ZBTB49: variants seen among roughly 807,000 people sequenced by gnomAD.
ZBTB49 encodes the protein zinc finger and BTB domain-containing protein 49.
In ZBTB49, 43 loss-of-function variants were observed where a neutral mutation model predicts 57.5. The observed-to-expected ratio is 0.75, with a 90% CI of 0.59 to 0.97. ZBTB49 has a LOEUF of 0.97. Ranked by LOEUF, ZBTB49 falls within the 50% of genes least tolerant of loss-of-function variation. ZBTB49 has a pLI of 0.00. For missense variants in ZBTB49, 938 were observed against 947.7 expected (o/e 0.99, Z 0.13); for synonymous variants, 369 against 362.1 (o/e 1.02, Z -0.22).
chr4:4,312,045 A>G (rs1009617192), intron 4 of ZBTB49, among the ~76,000 whole-genome samples: 2 of 152,162 alleles, frequency 1.3e-5, no homozygotes, highest in African/African-American at 4.8e-5. Flanking sequence ...CAATTTGCAA[A>G]TTAAAAAAAG....
chr4:4,303,726 T>TTCTCTCTCTCTCTC (rs148456390), intron 3 of ZBTB49, among the ~76,000 whole-genome samples: 18 of 121,802 alleles, frequency 1.5e-4, no homozygotes, highest in African/African-American at 5.6e-4. Context: ...TTTTAAGGTA[T>TTCTCTCTCTCTCTC]TCTCTCTCTC....
In ZBTB49 at chr4:4,320,695, G is replaced by T; in HGVS notation, c.1677G>T (p.Gly559=). 1 of 1,614,210 alleles carries T rather than the reference G, an allele frequency of 6.2e-7. No homozygotes were observed. The highest frequency in any genetic ancestry group is 8.5e-7 in the Non-Finnish European group (1 of 1,180,042). Residue 559 remains glycine, a synonymous_variant, in exon 8 of 8, where the codon GGG becomes GGT. Transcript: ENST00000337872. Reference sequence around the variant, plus strand: ...GCAGGCATGTCCGCACTCACACTGGGGAGAAGCCGTACACATGTGAGATCT... The same window carrying T: ...GCAGGCATGTCCGCACTCACACTGGTGAGAAGCCGTACACATGTGAGATCT... ...DLRRHVRTHT[G]EKPYTCEICN...
At chr4:4,304,140 G>A (rs17701611) in intron 3 of ZBTB49, among the ~76,000 whole-genome samples, 76,481 of 151,770 alleles carry the variant, frequency 0.5, 19,526 homozygotes, top group Middle Eastern at 0.61. Flanking sequence ...CCACGTGAAG[G>A]CAATATCACA....
In ZBTB49 at chr4:4,313,078, G is replaced by A; in HGVS notation, c.1340G>A (p.Gly447Asp). Residue 447 changes from glycine to aspartate, a missense_variant, in exon 5 of 8, where the codon GGT becomes GAT. Physicochemically the swap from Gly to Asp is moderately conservative, Grantham distance 94. Transcript: ENST00000337872. ...NLQTHLRRHS[G>D]EKPYICEICG... ...CAGACTCACTTACGACGGCATTCTG[G>A]TGAAAAACCATACATCTGCGAGATC... 3.1e-6 allele frequency: 5 copies of A among 1,614,148 alleles called. No individual in the cohort carries two copies. Among genetic ancestry groups the A allele is most frequent in the Non-Finnish European group, 4.2e-6 (5 of 1,180,032 alleles).
At chr4:4,320,323 C>T (rs566133361) in intron 7 of ZBTB49, among the ~76,000 whole-genome samples, 5 of 152,304 alleles carry the variant, frequency 3.3e-5, no homozygotes, top group African/African-American at 9.6e-5. Flanking sequence ...AATGGAAAGC[C>T]TTCCAGAGTG....
chr4:4,320,529 A>G, intron 7 of ZBTB49, 111 bp from the exon 8 acceptor site: 3 of 1,368,088 alleles, frequency 2.2e-6, no homozygotes, highest in South Asian at 1.3e-5. Context: ...CGTCCCAGCT[A>G]CTTGAGAGGC....
intron 1 of ZBTB49, among the ~76,000 whole-genome samples, chr4:4,296,421 C>T (rs1046708550): frequency 9.2e-5 from 14 of 152,300 alleles, no homozygotes; most frequent in African/African-American, 3.4e-4. Flanking sequence ...CTTTCCCACG[C>T]TGTTCTCATG....
At chr4:4,305,994 A>C in intron 3 of ZBTB49, 144 bp from the exon 4 acceptor site, 2 of 613,798 alleles carry the variant, frequency 3.3e-6, no homozygotes, top group Non-Finnish European at 2.9e-6. Context: ...GAGAAATATA[A>C]GGAAGTAGAC....
intron 1 of ZBTB49, among the ~76,000 whole-genome samples, chr4:4,295,012 A>T (rs188434193): frequency 1.3e-5 from 2 of 151,862 alleles, no homozygotes; most frequent in Non-Finnish European, 2.9e-5. Context: ...GGCACATAAT[A>T]GTTGTATGAT....
Position 4,302,536 on chromosome 4 carries a change from G to C in ZBTB49, c.700G>C (p.Glu234Gln), listed in dbSNP as rs140280813. 5.6e-6 allele frequency: 9 copies of C among 1,613,880 alleles called. No individual in the cohort carries two copies. In the African/African-American group the frequency reaches 1.2e-4, roughly 22 times the overall value. ...YHKHAAGPSQ[E>Q]RVVEQPFAFS... ...TAAACACGCAGCTGGTCCCAGTCAG[G>C]AGAGAGTTGTTGAGCAGCCTTTTGC... Residue 234 changes from glutamate (E) to glutamine (Q), a missense_variant, in exon 3 of 8, where the codon GAG becomes CAG. Glu to Gln is a conservative substitution (Grantham distance 29). Around this residue, in one of 3 missense-constraint regions of ZBTB49, gnomAD observed 835 missense variants for 819.1 expected, o/e 1.02. Coordinates refer to ENST00000337872, the MANE Select transcript of ZBTB49 (RefSeq NM_145291.4).
intron 2 of ZBTB49, among the ~76,000 whole-genome samples, chr4:4,300,443 C>A (rs1490754208): frequency 2.6e-5 from 4 of 152,048 alleles, no homozygotes; most frequent in Non-Finnish European, 5.9e-5. Flanking sequence ...GAATTAAGTT[C>A]CCGGTCAGAA....
chr4:4,300,720 G>A (rs1720437000), intron 2 of ZBTB49, among the ~76,000 whole-genome samples: 1 of 151,708 alleles, frequency 6.6e-6, no homozygotes, highest in Non-Finnish European at 1.5e-5. Context: ...GTTGGAGGCT[G>A]CAGTGAGCCG....
At chr4:4,316,814 C>T (rs1321180803) in intron 7 of ZBTB49, among the ~76,000 whole-genome samples, 1 of 152,178 alleles carries the variant, frequency 6.6e-6, no homozygotes, top group African/African-American at 2.4e-5. Context: ...CTTCTGGATA[C>T]AGATTTAGGC....
At chr4:4,294,721 G>A (rs76231994) in intron 1 of ZBTB49, among the ~76,000 whole-genome samples, 10,439 of 152,040 alleles carry the variant, frequency 0.069, 916 homozygotes, top group East Asian at 0.32. Flanking sequence ...AACTCTGGGG[G>A]TCATTCCAAA....
At chr4:4,304,885 G>T (rs951793161) in intron 3 of ZBTB49, among the ~76,000 whole-genome samples, 12 of 152,040 alleles carry the variant, frequency 7.9e-5, no homozygotes, top group Non-Finnish European at 1.3e-4. Flanking sequence ...TTTCCAGTAT[G>T]GTAGATATCA....
At position 4,302,373 on chromosome 4, in the gene ZBTB49, A is replaced by G. The variant is rs139152686; in HGVS notation, c.537A>G (p.Pro179=). 1.7e-5 allele frequency: 27 copies of G among 1,614,140 alleles called. No individual in the cohort carries two copies. In the African/African-American group the frequency reaches 3.1e-4, roughly 18 times the overall value. Residue 179 remains proline, a synonymous_variant, in exon 3 of 8, where the codon CCA becomes CCG. Coordinates refer to ENST00000337872, the MANE Select transcript of ZBTB49 (RefSeq NM_145291.4). ...ATGAATCGCATCCGCATGCTTCACC[A>G]TCAGTTAATCGTCATCACTCCGCAG... ...TLDESHPHAS[P]SVNRHHSAGE...
intron 1 of ZBTB49, 100 bp downstream of exon 1, chr4:4,290,452 A>G (rs1020849742): frequency 6.6e-6 from 1 of 152,448 alleles, no homozygotes; most frequent in East Asian, 1.9e-4. Flanking sequence ...CCAGAAGGGC[A>G]TGGACCCACC....
intron 4 of ZBTB49, among the ~76,000 whole-genome samples, chr4:4,310,353 C>T (rs2108890369): frequency 6.6e-6 from 1 of 152,282 alleles, no homozygotes; most frequent in Non-Finnish European, 1.5e-5. Flanking sequence ...GGTTACTAAC[C>T]TCTCAGAGCC....
chr4:4,302,571 C>G lies in ZBTB49; in HGVS notation c.735C>G (p.Thr245=), dbSNP rs746710584. Residue 245 remains threonine (T), a synonymous_variant, in exon 3 of 8, where the codon ACC becomes ACG. Transcript: ENST00000337872. ...RVVEQPFAFS[T]STDLTTVESQ... is the part of the protein sequence containing the mutation. ...TTGAGCAGCCTTTTGCTTTCAGCAC[C>G]TCTACAGACCTTACCACGGTAGAGA... The G allele has an allele frequency of 8.1e-6, 13 of 1,613,910 alleles. No homozygotes were observed. The highest frequency in any genetic ancestry group is 1.1e-5 in the Non-Finnish European group (13 of 1,179,978).
Sources: allele counts gnomAD v4.1 joint callset (sites outside exome capture counted in the v4.1 genomes callset), GRCh38; gene constraint gnomAD v4.1.1; regional missense constraint gnomAD v4.1.1; transcripts MANE v1.5; gene names NCBI Gene and HGNC (gene_info 2026-07-23, HGNC 2026-07-21).